BAD: variants seen among roughly 807,000 people sequenced by gnomAD.
BAD encodes the protein BCL2 associated agonist of cell death.
A neutral mutation model predicts 17.8 loss-of-function variants in BAD; 18 were observed. The observed-to-expected ratio is 1.01, with a 90% CI of 0.70 to 1.50. BAD has a LOEUF of 1.50. Among genes scored for constraint, BAD ranks in the 40% most tolerant of loss-of-function variants. The pLI, the probability that BAD is intolerant of heterozygous loss-of-function variation, is 0.00. For synonymous variants in BAD, 112 were observed against 91.5 expected, an observed-to-expected ratio of 1.22 and a Z score of -1.28; for missense variants, 294 against 239.3, an observed-to-expected ratio of 1.23 and a Z score of -1.51.
At chr11:64,282,916 A>G (rs1463922113) in intron 2 of BAD, among the ~76,000 whole-genome samples, 1 of 151,884 alleles carries the variant, frequency 6.6e-6, no homozygotes, top group East Asian at 1.9e-4. Flanking sequence ...AGTAAAAAAT[A>G]AATTAACTGG....
Position 64,271,613 on chromosome 11 carries a change from C to G in BAD, c.378G>C (p.Lys126Asn). The G allele has an allele frequency of 6.7e-7, 1 of 1,483,512 alleles. No individual in the cohort carries two copies. The highest frequency in any genetic ancestry group is 1.3e-5 in the South Asian group (1 of 76,092). 91.9% of individuals were successfully genotyped at this position (1,483,512 alleles called of 1,614,324 possible). Residue 126 changes from lysine (K) to asparagine (N), a missense_variant and splice_region_variant, in exon 3 of 4, where the codon AAG (lysine) becomes AAC (asparagine). Lys to Asn is a moderately conservative substitution (Grantham distance 94). Transcript: ENST00000309032. Reference sequence around the variant, plus strand: ...TGGCACGCTGGGGACTGGCGCTCACCTTAAAGGAGTCCACAAACTCGTCAC... The same window carrying G: ...TGGCACGCTGGGGACTGGCGCTCACGTTAAAGGAGTCCACAAACTCGTCAC... ...RMSDEFVDSF[K>N]KGLPRPKSAG...
chr11:64,270,906 C>G (rs1269992048), intron 3 of BAD, among the ~76,000 whole-genome samples: 11 of 60,938 alleles, frequency 1.8e-4, no homozygotes, highest in Non-Finnish European at 3.6e-4. Context: ...GTGAGACACA[C>G]ACACACACAC....
chr11:64,273,238 T>TG (rs778737795), intron 2 of BAD, among the ~76,000 whole-genome samples: 12 of 152,166 alleles, frequency 7.9e-5, no homozygotes, highest in Non-Finnish European at 1.0e-4. Flanking sequence ...TTAGGTGTGG[T>TG]GGTTCACGCC....
At chr11:64,274,279 C>G (rs533535154) in intron 2 of BAD, among the ~76,000 whole-genome samples, 1 of 151,860 alleles carries the variant, frequency 6.6e-6, no homozygotes, top group African/African-American at 2.4e-5. Context: ...TCCAGCTACT[C>G]GGGAGGGTGA....
chr11:64,284,388 A>C lies in BAD; in HGVS notation c.-8-12T>G. On this transcript the variant is annotated splice_polypyrimidine_tract_variant and intron_variant, in intron 1 of 3. Transcript: ENST00000309032. ...GAACATGCTCTGGGCTGTGAGGACAAGATGTTACGTAGTCAAGGCACAGCT... is the reference window on the plus strand; with the variant it reads ...GAACATGCTCTGGGCTGTGAGGACACGATGTTACGTAGTCAAGGCACAGCT... The C allele has an allele frequency of 3.1e-6, 5 of 1,612,208 alleles. No homozygotes were observed. Among genetic ancestry groups the C allele is most frequent in the Non-Finnish European group, 4.2e-6 (5 of 1,179,944 alleles).
At position 64,270,126 on chromosome 11, in the gene BAD, C is replaced by T. The variant is rs1367258583; in HGVS notation, c.*83G>A. ...GCACGGATCCTCTTTTTGCATAGGC[C>T]TGAGGGAAGTACTTCCGCCCATATT... is the stretch of plus-strand genomic sequence containing the variant. On this transcript the variant is annotated 3_prime_UTR_variant, in exon 4 of 4. Coordinates refer to ENST00000309032, the MANE Select transcript of BAD (RefSeq NM_032989.3). The T allele has an allele frequency of 2.5e-6, 4 of 1,601,412 alleles. No individual in the cohort carries two copies. In the South Asian group the frequency reaches 3.3e-5, roughly 13 times the overall value.
At chr11:64,278,344 C>T (rs2033205006) in intron 2 of BAD, among the ~76,000 whole-genome samples, 1 of 150,500 alleles carries the variant, frequency 6.6e-6, no homozygotes, top group African/African-American at 2.4e-5. Flanking sequence ...GCCTGGGCGA[C>T]AGAGTGAGGC....
intron 2 of BAD, among the ~76,000 whole-genome samples, chr11:64,281,619 C>T (rs1418126347): frequency 1.3e-5 from 2 of 152,244 alleles, no homozygotes; most frequent in African/African-American, 4.8e-5. Context: ...CTGGAACTCT[C>T]TTCCCATCAT....
At chr11:64,283,710 T>C (rs1420009214) in intron 2 of BAD, among the ~76,000 whole-genome samples, 1 of 152,224 alleles carries the variant, frequency 6.6e-6, no homozygotes, top group Non-Finnish European at 1.5e-5. Context: ...ACCAGGAAGG[T>C]GTGGCCTTAG....
chr11:64,274,903 T>G (rs932543640), intron 2 of BAD, among the ~76,000 whole-genome samples: 13 of 145,648 alleles, frequency 8.9e-5, no homozygotes, highest in Non-Finnish European at 1.9e-4. Context: ...AAGAATCACT[T>G]GAACCTGGGA....
chr11:64,271,876 T>C, intron 2 of BAD, 73 bp from the exon 3 acceptor site: 2 of 1,230,620 alleles, frequency 1.6e-6, no homozygotes, highest in Non-Finnish European at 2.1e-6. Flanking sequence ...GCCTGAACCC[T>C]CCCCATCAGC....
chr11:64,272,490 G>C (rs2032710239), intron 2 of BAD, among the ~76,000 whole-genome samples: 1 of 152,152 alleles, frequency 6.6e-6, no homozygotes, highest in Non-Finnish European at 1.5e-5. Context: ...TCCTCTGCAA[G>C]GGACCTGCAG....
intron 2 of BAD, among the ~76,000 whole-genome samples, chr11:64,283,204 C>T (rs760616997): frequency 1.3e-5 from 2 of 152,210 alleles, no homozygotes; most frequent in Non-Finnish European, 2.9e-5. Context: ...GTCTTTTAAG[C>T]TGCAGTGCCA....
At position 64,270,329 on chromosome 11, in the gene BAD, A is replaced by C; in HGVS notation, c.387T>G (p.Leu129=). ...DEFVDSFKKG[L]PRPKSAGTAT... is the part of the protein sequence containing the mutation. Reference sequence around the variant, plus strand: ...CTGTGCCCGCGCTCTTCGGGCGAGGAAGTCCCTTCTGGTGGAGGGAGAAAA... The same window carrying C: ...CTGTGCCCGCGCTCTTCGGGCGAGGCAGTCCCTTCTGGTGGAGGGAGAAAA... Residue 129 remains leucine (L), a synonymous_variant, in exon 4 of 4, where the codon CTT becomes CTG. Coordinates refer to ENST00000309032, the MANE Select transcript of BAD (RefSeq NM_032989.3). The C allele has an allele frequency of 6.4e-7, 1 of 1,557,726 alleles. No individual in the cohort carries two copies. The highest frequency in any genetic ancestry group is 8.7e-7 in the Non-Finnish European group (1 of 1,147,554).
chr11:64,271,683 T>G lies in BAD; in HGVS notation c.308A>C (p.Asn103Thr). 1 of 1,481,664 alleles carries G rather than the reference T, an allele frequency of 6.7e-7. No homozygotes were observed. Among genetic ancestry groups the G allele is most frequent in the Non-Finnish European group, 9.0e-7 (1 of 1,117,004 alleles). 91.8% of individuals were successfully genotyped at this position (1,481,664 alleles called of 1,614,324 possible). A position where few individuals can be genotyped will look rare whatever the true frequency, so the allele number is the denominator to read the frequency against. Residue 103 changes from asparagine to threonine, a missense_variant, in exon 3 of 4, where the codon AAC (asparagine) becomes ACC (threonine). By Grantham distance (65) the Asn-to-Thr change is moderately conservative. Coordinates refer to ENST00000309032, the MANE Select transcript of BAD (RefSeq NM_032989.3). The part of the protein sequence containing the change: ...FRGRSRSAPP[N>T]LWAAQRYGRE... ...GCCATAGCGCTGTGCTGCCCAGAGG[T>G]TGGGGGGCGCCGAGCGCGAGCGGCC...
At chr11:64,281,697 T>TC (rs909762191) in intron 2 of BAD, among the ~76,000 whole-genome samples, 19 of 151,932 alleles carry the variant, frequency 1.3e-4, no homozygotes, top group Non-Finnish European at 4.4e-5. Flanking sequence ...CTACCATCAC[T>TC]CCCCCCGCCC....
Position 64,280,100 on chromosome 11 carries a change from A to G in BAD, c.187+4082T>C, listed in dbSNP as rs573415459. Among the ~76,000 whole-genome samples, 364 of 151,382 alleles carry G rather than the reference A, an allele frequency of 2.4e-3. 3 individuals carry two copies. The highest frequency in any genetic ancestry group is 0.021 in the Middle Eastern group (6 of 292). ...TGGGAGGCCAAGGCGGGCGGATCACAAGGTCAGGAGATCGAGACCATCCTG... is the reference window on the plus strand; with the variant it reads ...TGGGAGGCCAAGGCGGGCGGATCACGAGGTCAGGAGATCGAGACCATCCTG... On this transcript the variant is annotated intron_variant, in intron 2 of 3. Transcript: ENST00000309032.
At position 64,269,939 on chromosome 11, in the gene BAD, G is replaced by C. The variant is rs1050029; in HGVS notation, c.*270C>G. 5.8e-5 allele frequency: 42 copies of C among 718,640 alleles called. No individual in the cohort carries two copies. Among genetic ancestry groups the C allele is most frequent in the Non-Finnish European group, 9.2e-5 (37 of 403,744 alleles). The allele number at this position is 718,640 out of a possible 1,614,324, so 44.5% of individuals were successfully genotyped here. A position where few individuals can be genotyped will look rare whatever the true frequency, so the allele number is the denominator to read the frequency against. ...ACGGTTAAACCTGGCTCGCGACTTA[G>C]CGCAGGCGCCTGGGGGAAAGCCCGG... is the stretch of plus-strand genomic sequence containing the variant. On this transcript the variant is annotated 3_prime_UTR_variant, in exon 4 of 4. Coordinates refer to ENST00000309032, the MANE Select transcript of BAD (RefSeq NM_032989.3).
chr11:64,284,570 C>A, intron 1 of BAD, 61 bp downstream of exon 1: 1 of 1,493,582 alleles, frequency 6.7e-7, no homozygotes. Context: ...CTCAGTCTCC[C>A]CTCAGAACCC....
Sources: allele counts gnomAD v4.1 joint callset (sites outside exome capture counted in the v4.1 genomes callset), GRCh38; gene constraint gnomAD v4.1.1; transcripts MANE v1.5; gene names NCBI Gene and HGNC (gene_info 2026-07-23, HGNC 2026-07-21).